The following ACER2 variants were observed in gnomAD, a reference collection of about 807,000 sequenced individuals.
ACER2 encodes the protein alkCDase 2.
In ACER2, 26 loss-of-function variants were observed where a neutral mutation model predicts 34.7. The ratio of observed to expected loss-of-function variants is 0.75; its 90% CI spans 0.55 to 1.04. The LOEUF (loss-of-function observed/expected upper bound fraction) is 1.04, where lower values mean the gene tolerates loss of function less well. Ranked by LOEUF, ACER2 falls within the 50% of genes least tolerant of loss-of-function variation. ACER2 has a pLI of 0.00. For missense variants in ACER2, 352 were observed against 340.8 expected (o/e 1.03, Z -0.26); for synonymous variants, 138 against 132.1 (o/e 1.04, Z -0.31).
Position 19,411,733 on chromosome 9 carries a change from A to G in ACER2, c.108+2541A>G, listed in dbSNP as rs1251920310. On this transcript the variant is annotated intron_variant, in intron 1 of 5. Transcript: ENST00000340967. ...TCATAATCATTACCAGTTTTGAGAAAAAGTTGGAGGAATTGACAATGTTAA... is the reference window on the plus strand; with the variant it reads ...TCATAATCATTACCAGTTTTGAGAAGAAGTTGGAGGAATTGACAATGTTAA... 2.0e-5 allele frequency among the ~76,000 whole-genome samples: 3 copies of G among 152,308 alleles called. No individual in the cohort carries two copies. The South Asian group carries it at 6.2e-4, about 32-fold the overall frequency.
At chr9:19,441,328 C>T (rs1831151382) in intron 4 of ACER2, among the ~76,000 whole-genome samples, 1 of 152,166 alleles carries the variant, frequency 6.6e-6, no homozygotes, top group East Asian at 1.9e-4. Flanking sequence ...AGATTACAGG[C>T]ATGAGCCACA....
At chr9:19,422,253 C>G (rs1830427795) in intron 1 of ACER2, among the ~76,000 whole-genome samples, 1 of 151,722 alleles carries the variant, frequency 6.6e-6, no homozygotes, top group Non-Finnish European at 1.5e-5. Flanking sequence ...GCAAGCTGGT[C>G]CCACCACTAC....
At chr9:19,421,871 T>C (rs1343610147) in intron 1 of ACER2, among the ~76,000 whole-genome samples, 2 of 152,166 alleles carry the variant, frequency 1.3e-5, no homozygotes, top group African/African-American at 4.8e-5. Flanking sequence ...GTTTCCAATA[T>C]GACAGTCACT....
chr9:19,444,404 A>G (rs1223797821), intron 4 of ACER2, among the ~76,000 whole-genome samples: 1 of 151,814 alleles, frequency 6.6e-6, no homozygotes, highest in Non-Finnish European at 1.5e-5. Flanking sequence ...AGTAGAGACG[A>G]GGTTTCACCG....
intron 1 of ACER2, among the ~76,000 whole-genome samples, chr9:19,411,954 G>A (rs1451428860): frequency 6.6e-6 from 1 of 152,170 alleles, no homozygotes; most frequent in African/African-American, 2.4e-5. Context: ...GGAAATTGGG[G>A]CCTAGAGAGT....
chr9:19,420,281 C>G (rs1203649927), intron 1 of ACER2, among the ~76,000 whole-genome samples: 1 of 152,204 alleles, frequency 6.6e-6, no homozygotes, highest in East Asian at 1.9e-4. Context: ...AGTTCATCAA[C>G]CCTATTCACC....
rs36053802 is a variant in ACER2 at position 19,434,764 on chromosome 9, C to CT, written c.366-172dup. 8.8e-3 allele frequency among the ~76,000 whole-genome samples: 1,313 copies of CT among 148,910 alleles called. 10 individuals carry two copies. Among genetic ancestry groups the CT allele is most frequent in the Non-Finnish European group, 0.012 (823 of 66,778 alleles). On this transcript the variant is annotated intron_variant, in intron 3 of 5. Transcript: ENST00000340967. ...GCTCGGCATGAGAGGGAGACCCTCT[C>CT]TTTTTTTTTTTAAGACGAAGTCTCG...
Position 19,430,629 on chromosome 9 carries a change from G to A in ACER2, c.366-4318G>A, listed in dbSNP as rs538118644. Among the ~76,000 whole-genome samples, 53 of 152,244 alleles carry A rather than the reference G, an allele frequency of 3.5e-4. No individual in the cohort carries two copies. In the East Asian group the frequency reaches 9.8e-3, roughly 28 times the overall value. On this transcript the variant is annotated intron_variant, in intron 3 of 5. Coordinates refer to ENST00000340967, the MANE Select transcript of ACER2 (RefSeq NM_001010887.3). ...TTCCTGTACACCTTCTGGACTTGAC[G>A]TGGGGAGGCATCTGCAGATGGCCTC...
intron 4 of ACER2, among the ~76,000 whole-genome samples, chr9:19,441,959 G>C (rs1831170015): frequency 1.3e-5 from 2 of 152,312 alleles, no homozygotes; most frequent in South Asian, 4.1e-4. Flanking sequence ...TAATAGAGGA[G>C]GAACTGTTTT....
At chr9:19,431,461 A>C (rs941895459) in intron 3 of ACER2, among the ~76,000 whole-genome samples, 1 of 152,286 alleles carries the variant, frequency 6.6e-6, no homozygotes, top group East Asian at 1.9e-4. Context: ...GGGTACAGAG[A>C]GGTGACGCAC....
intron 2 of ACER2, chr9:19,424,231 G>A (rs561954296): frequency 1.3e-5 from 6 of 470,660 alleles, no homozygotes; most frequent in Admixed American, 1.3e-4. Context: ...TTTTCTGAAC[G>A]TCTGAAGAAA....
In ACER2 at chr9:19,423,995, GA is replaced by G; in HGVS notation, c.223+21del. The G allele has an allele frequency of 6.4e-7, 1 of 1,564,492 alleles. No homozygotes were observed. Among genetic ancestry groups the G allele is most frequent in the South Asian group, 1.1e-5 (1 of 90,080 alleles). On this transcript the variant is annotated intron_variant, in intron 2 of 5. Transcript: ENST00000340967. ...GTAGTGGGTAAGTGGAGTCATTTGGGAACACGGACTTAATGGGGTGGTGGGA... is the reference window on the plus strand; with the variant it reads ...GTAGTGGGTAAGTGGAGTCATTTGGGACACGGACTTAATGGGGTGGTGGGA...
chr9:19,427,813 C>T (rs1188984505), intron 3 of ACER2, among the ~76,000 whole-genome samples: 4 of 151,822 alleles, frequency 2.6e-5, no homozygotes, highest in Admixed American at 6.6e-5. Flanking sequence ...ACTACAGGCG[C>T]CCGCCACCAC....
At chr9:19,437,714 A>G (rs1023548870) in intron 4 of ACER2, among the ~76,000 whole-genome samples, 2 of 151,852 alleles carry the variant, frequency 1.3e-5, no homozygotes, top group African/African-American at 4.8e-5. Flanking sequence ...CTCCCCCTGA[A>G]ATGCCCTTTC....
At chr9:19,417,067 T>C (rs1830261763) in intron 1 of ACER2, among the ~76,000 whole-genome samples, 2 of 150,164 alleles carry the variant, frequency 1.3e-5, no homozygotes, top group South Asian at 4.4e-4. Context: ...ATCACAAGCA[T>C]TCCTATACAC....
At chr9:19,420,695 C>G (rs1343441809) in intron 1 of ACER2, among the ~76,000 whole-genome samples, 1 of 152,148 alleles carries the variant, frequency 6.6e-6, no homozygotes, top group Non-Finnish European at 1.5e-5. Flanking sequence ...AGATCTTAGA[C>G]TGGGTAATTT....
chr9:19,420,549 A>G lies in ACER2; in HGVS notation c.109-3313A>G, dbSNP rs530730622. ...TAACAAGTGTTGGCAAGGATGTGAG[A>G]AATTGGAACACTGTACATTGCTGAT... On this transcript the variant is annotated intron_variant, in intron 1 of 5. Coordinates refer to ENST00000340967, the MANE Select transcript of ACER2 (RefSeq NM_001010887.3). Among the ~76,000 whole-genome samples, 2 of 152,342 alleles carry G rather than the reference A, an allele frequency of 1.3e-5. 1 individual carries two copies. The highest frequency in any genetic ancestry group is 4.8e-5 in the African/African-American group (2 of 41,574).
At chr9:19,434,357 T>C (rs1589054550) in intron 3 of ACER2, among the ~76,000 whole-genome samples, 1 of 149,082 alleles carries the variant, frequency 6.7e-6, no homozygotes, top group Non-Finnish European at 1.5e-5. Flanking sequence ...CGCTCCTCAC[T>C]TCCCAGACGG....
At chr9:19,448,597 C>G (rs960925931) in intron 5 of ACER2, among the ~76,000 whole-genome samples, 5 of 151,976 alleles carry the variant, frequency 3.3e-5, no homozygotes, top group African/African-American at 7.3e-5. Flanking sequence ...ATTGCTAAAT[C>G]CAGAGAAACT....
Sources: allele counts gnomAD v4.1 joint callset (sites outside exome capture counted in the v4.1 genomes callset), GRCh38; gene constraint gnomAD v4.1.1; transcripts MANE v1.5; gene names NCBI Gene and HGNC (gene_info 2026-07-23, HGNC 2026-07-21).